The following RASGEF1C variants were observed in gnomAD, a reference collection of about 807,000 sequenced individuals.
The protein encoded by RASGEF1C is RasGEF domain family member 1C.
Under a neutral mutation model 58.1 loss-of-function variants are expected in RASGEF1C, and 27 were observed. The ratio of observed to expected loss-of-function variants is 0.46; its 90% CI spans 0.34 to 0.64. RASGEF1C has a LOEUF of 0.64. Ranked by LOEUF, RASGEF1C falls within the 30% of genes least tolerant of loss-of-function variation. The pLI is 0.01. For missense variants in RASGEF1C, 502 were observed against 605.1 expected (o/e 0.83, Z 1.79); for synonymous variants, 243 against 246.3 (o/e 0.99, Z 0.13).
intron 1 of RASGEF1C, among the ~76,000 whole-genome samples, chr5:180,195,873 C>T (rs973652184): frequency 2.0e-5 from 3 of 152,148 alleles, no homozygotes; most frequent in Non-Finnish European, 4.4e-5. Context: ...TCCCTGCCCA[C>T]AGATCCTCCC....
intron 1 of RASGEF1C, among the ~76,000 whole-genome samples, chr5:180,179,320 G>C (rs1341971842): frequency 3.3e-5 from 5 of 152,138 alleles, no homozygotes; most frequent in Non-Finnish European, 7.4e-5. Context: ...GTAGAGGGTG[G>C]TGGGAGGTAA....
intron 1 of RASGEF1C, among the ~76,000 whole-genome samples, chr5:180,139,913 G>A (rs1031603393): frequency 1.7e-4 from 26 of 152,190 alleles, no homozygotes; most frequent in African/African-American, 4.6e-4. Context: ...ACCCTGCAAC[G>A]CTGGGCCTGC....
At chr5:180,161,491 T>TGGGGCC (rs932387860) in intron 1 of RASGEF1C, among the ~76,000 whole-genome samples, 2 of 152,216 alleles carry the variant, frequency 1.3e-5, no homozygotes, top group Non-Finnish European at 2.9e-5. Flanking sequence ...GTGGACCTGA[T>TGGGGCC]GGGGCCGGGG....
At chr5:180,136,024 G>A (rs567380728) in intron 4 of RASGEF1C, among the ~76,000 whole-genome samples, 31 of 152,338 alleles carry the variant, frequency 2.0e-4, no homozygotes, top group African/African-American at 7.2e-4. Context: ...GTGGGGCAGG[G>A]GCAGGAGGGG....
chr5:180,132,116 A>G (rs1277544440), intron 4 of RASGEF1C, among the ~76,000 whole-genome samples: 1 of 152,120 alleles, frequency 6.6e-6, no homozygotes, highest in African/African-American at 2.4e-5. Context: ...TCCCCTCGTC[A>G]CTATCGTGGG....
intron 1 of RASGEF1C, among the ~76,000 whole-genome samples, chr5:180,193,615 C>A (rs913867454): frequency 6.6e-6 from 1 of 152,124 alleles, no homozygotes; most frequent in Admixed American, 6.5e-5. Flanking sequence ...AAATAAAAAC[C>A]AACCAACCAA....
rs962346693 is a variant in RASGEF1C, at chr5:180,156,733, C to T, written c.-6-18675G>A. 6.6e-6 allele frequency among the ~76,000 whole-genome samples: 1 copy of T among 151,984 alleles called. No individual in the cohort carries two copies. Among genetic ancestry groups the T allele is most frequent in the African/African-American group, 2.4e-5 (1 of 41,376 alleles). ...GCTGCAGTAAGCCGAGATCGTACCA[C>T]TGCACTCCAGCCTGGGCAACCAGAG... On this transcript the variant is annotated intron_variant, in intron 1 of 13. Coordinates refer to ENST00000361132, the MANE Select transcript of RASGEF1C (RefSeq NM_175062.4). The surrounding 1 kb of genome is among the most constrained non-coding windows in gnomAD (Gnocchi z 4.9).
intron 1 of RASGEF1C, among the ~76,000 whole-genome samples, chr5:180,153,209 C>T (rs947263577): frequency 3.3e-5 from 5 of 152,238 alleles, no homozygotes; most frequent in South Asian, 2.1e-4. Flanking sequence ...CAATGGGGGC[C>T]CACCTCTGTG....
At position 180,137,967 on chromosome 5, in the gene RASGEF1C, G is replaced by A; in HGVS notation, c.86C>T (p.Ala29Val). The change falls in exon 2 of 14, where the codon GCT becomes GTT. Residue 29 changes from alanine (A) to valine (V), a missense_variant. By Grantham distance (64) the Ala-to-Val change is moderately conservative. Coordinates refer to ENST00000361132, the MANE Select transcript of RASGEF1C (RefSeq NM_175062.4). The surrounding 1 kb of genome is among the most constrained non-coding windows in gnomAD (Gnocchi z 4.1). ...PPTEPTDGEQ[A>V]GQPLLDGAPS... ...CGCTCCATCCAGGAGGGGCTGCCCA[G>A]CCTGTTCGCCATCTGTGGGCTCGGT... is the stretch of plus-strand genomic sequence containing the variant. 1 of 1,605,114 alleles carries A rather than the reference G, an allele frequency of 6.2e-7. No individual in the cohort carries two copies.
intron 1 of RASGEF1C, among the ~76,000 whole-genome samples, chr5:180,173,777 G>T (rs1031111085): frequency 6.6e-6 from 1 of 152,126 alleles, no homozygotes; most frequent in Non-Finnish European, 1.5e-5. Context: ...GCTGGGCGTG[G>T]TGGTGGGCGC....
Position 180,209,190 on chromosome 5 carries a change from G to C in RASGEF1C, c.-169C>G, listed in dbSNP as rs1756557854. ...CCCAGCGCAGCCCGCACGAGCGCCTGGCGGCGGCCCCGGAGCAACGCGGCG... is the reference window on the plus strand; with the variant it reads ...CCCAGCGCAGCCCGCACGAGCGCCTCGCGGCGGCCCCGGAGCAACGCGGCG... On this transcript the variant is annotated 5_prime_UTR_variant, in exon 1 of 14. Coordinates refer to ENST00000361132, the MANE Select transcript of RASGEF1C (RefSeq NM_175062.4). 1 of 146,904 alleles carries C rather than the reference G, an allele frequency of 6.8e-6. No individual in the cohort carries two copies. Among genetic ancestry groups the C allele is most frequent in the Non-Finnish European group, 1.5e-5 (1 of 65,984 alleles). The allele number at this position is 146,904 out of a possible 1,614,324, so 9.1% of individuals were successfully genotyped here.
In RASGEF1C at chr5:180,161,814, G is replaced by A. The variant is rs562446315; in HGVS notation, c.-6-23756C>T. On this transcript the variant is annotated intron_variant, in intron 1 of 13. Coordinates refer to ENST00000361132, the MANE Select transcript of RASGEF1C (RefSeq NM_175062.4). Reference sequence around the variant, plus strand: ...CCAGGTCACACAGACCCACCTGCGGGAGGGGCGTCCCTCCACATCACATCG... The same window carrying A: ...CCAGGTCACACAGACCCACCTGCGGAAGGGGCGTCCCTCCACATCACATCG... Among the ~76,000 whole-genome samples, 263 of 152,336 alleles carry A rather than the reference G, an allele frequency of 1.7e-3. 3 individuals carry two copies. The highest frequency in any genetic ancestry group is 5.5e-3 in the African/African-American group (230 of 41,582).
rs1233011728 is a variant in RASGEF1C, at chr5:180,101,383, G to T, written c.*118C>A. On this transcript the variant is annotated 3_prime_UTR_variant, in exon 14 of 14. Transcript: ENST00000361132. ...GGGGGGGGCGGGCAGCAGGCCACAG[G>T]GTCGGCATTTGCAAAATAGTGAGGC... The T allele has an allele frequency of 2.5e-6, 3 of 1,219,446 alleles. No individual in the cohort carries two copies. The highest frequency in any genetic ancestry group is 2.4e-5 in the East Asian group (1 of 41,240). The allele number at this position is 1,219,446 out of a possible 1,614,324, so 75.5% of individuals were successfully genotyped here. A position where few individuals can be genotyped will look rare whatever the true frequency, so the allele number is the denominator to read the frequency against.
chr5:180,124,208 G>C (rs1217515872), intron 6 of RASGEF1C, among the ~76,000 whole-genome samples: 1 of 149,804 alleles, frequency 6.7e-6, no homozygotes, highest in African/African-American at 2.5e-5. Context: ...CTCCAGCCTG[G>C]GCGACAGAGC....
intron 1 of RASGEF1C, among the ~76,000 whole-genome samples, chr5:180,172,593 C>A (rs1486849651): frequency 6.6e-6 from 1 of 152,190 alleles, no homozygotes; most frequent in Non-Finnish European, 1.5e-5. Flanking sequence ...CAGGGCCTTC[C>A]AGCCCCAGCT....
intron 6 of RASGEF1C, among the ~76,000 whole-genome samples, chr5:180,124,981 A>G (rs913562913): frequency 6.6e-6 from 1 of 152,018 alleles, no homozygotes; most frequent in African/African-American, 2.4e-5. Flanking sequence ...AAAAATACCA[A>G]AATTAGCCAG....
chr5:180,127,755 G>T, intron 5 of RASGEF1C, 72 bp from the exon 6 acceptor site: 2 of 1,410,278 alleles, frequency 1.4e-6, no homozygotes, highest in Non-Finnish European at 2.0e-6. Flanking sequence ...GGGGCCTGCC[G>T]TGGTGCCCCA....
chr5:180,104,498 G>T (rs780231250), intron 12 of RASGEF1C, among the ~76,000 whole-genome samples: 1 of 151,860 alleles, frequency 6.6e-6, no homozygotes, highest in Admixed American at 6.6e-5. Context: ...TGAAACTGTA[G>T]ATATATATAT....
At chr5:180,181,804 G>A (rs1767333313) in intron 1 of RASGEF1C, among the ~76,000 whole-genome samples, 1 of 152,202 alleles carries the variant, frequency 6.6e-6, no homozygotes, top group South Asian at 2.1e-4. Flanking sequence ...ACAAGGCTGA[G>A]TGGAGCATGA....
Sources: allele counts gnomAD v4.1 joint callset (sites outside exome capture counted in the v4.1 genomes callset), GRCh38; gene constraint gnomAD v4.1.1; non-coding constraint Gnocchi (gnomAD v3.1); transcripts MANE v1.5; gene names NCBI Gene and HGNC (gene_info 2026-07-23, HGNC 2026-07-21).